Variants in COL4A3 observed in about 807,000 individuals in gnomAD.
COL4A3 encodes the protein collagen type IV alpha 3 chain.
A neutral mutation model predicts 217.4 loss-of-function variants in COL4A3; 135 were observed. The ratio of observed to expected loss-of-function variants is 0.62; its 90% CI spans 0.54 to 0.72. COL4A3 has a LOEUF of 0.72. COL4A3 is among the 30% of genes least tolerant of loss of function. The pLI is 0.00. For missense variants in COL4A3, 1,868 were observed against 2,119.9 expected (o/e 0.88, Z 2.33); for synonymous variants, 690 against 736.3 (o/e 0.94, Z 1.02).
intron 1 of COL4A3, among the ~76,000 whole-genome samples, chr2:227,181,133 A>G (rs2065855746): frequency 6.6e-6 from 1 of 152,222 alleles, no homozygotes; most frequent in Non-Finnish European, 1.5e-5. Context: ...TTAATAGAGA[A>G]AAAATACCTG....
chr2:227,244,197 C>A (rs2069184690), intron 3 of COL4A3, 123 bp from the exon 4 acceptor site: 1 of 770,012 alleles, frequency 1.3e-6, no homozygotes, highest in African/African-American at 1.7e-5. Flanking sequence ...ATCTTATTAA[C>A]AATGAAATAA....
intron 27 of COL4A3, among the ~76,000 whole-genome samples, chr2:227,276,702 C>T (rs1027405478): frequency 5.9e-5 from 9 of 152,184 alleles, no homozygotes; most frequent in African/African-American, 1.7e-4. Flanking sequence ...TAAAGGTTCC[C>T]GAGGAGAACC....
chr2:227,212,546 T>G lies in COL4A3; in HGVS notation c.88-25422T>G, dbSNP rs1033502009. ...CCCCAGGAATCTGTAGTGCCAGGTC[T>G]GCCATATATGAGGTTTCTACATATG... On this transcript the variant is annotated intron_variant, in intron 1 of 51. Transcript: ENST00000396578. 2.0e-5 allele frequency among the ~76,000 whole-genome samples: 3 copies of G among 152,240 alleles called. No individual in the cohort carries two copies. The South Asian group carries it at 6.2e-4, about 31-fold the overall frequency.
At chr2:227,167,050 C>A (rs539410964) in intron 1 of COL4A3, among the ~76,000 whole-genome samples, 43 of 152,280 alleles carry the variant, frequency 2.8e-4, no homozygotes, top group African/African-American at 9.1e-4. Flanking sequence ...AGTTGGGAAT[C>A]CAGTTTTTAT....
rs1421628507 is a variant in COL4A3 at position 227,193,756 on chromosome 2, GGAAGGAAGGAAGGAAGGAA to G, written c.87+28945_87+28963del. ...AGGAGGGAGGGAGGGAGGGAAGGAA[GGAAGGAAGGAAGGAAGGAA>G]GGAAGGAAGGAAGGAAGGAAGGAAG... On this transcript the variant is annotated intron_variant, in intron 1 of 51. Coordinates refer to ENST00000396578, the MANE Select transcript of COL4A3 (RefSeq NM_000091.5). Among the ~76,000 whole-genome samples, 6 of 10,206 alleles carry G rather than the reference GGAAGGAAGGAAGGAAGGAA, an allele frequency of 5.9e-4. 1 individual carries two copies. Among genetic ancestry groups the G allele is most frequent in the Non-Finnish European group, 2.6e-4 (1 of 3,892 alleles). 6.7% of individuals were successfully genotyped at this position (10,206 alleles called of 152,430 possible).
At position 227,246,668 on chromosome 2, in the gene COL4A3, C is replaced by T. The variant is rs2069358993; in HGVS notation, c.388-17C>T. On this transcript the variant is annotated splice_polypyrimidine_tract_variant and intron_variant, in intron 6 of 51. Coordinates refer to ENST00000396578, the MANE Select transcript of COL4A3 (RefSeq NM_000091.5). ...TAGAACAACTAAGAATAATAAGAAA[C>T]TTTGTATGTCTTTTAGGGTGAGCAG... is the stretch of plus-strand genomic sequence containing the variant. The T allele has an allele frequency of 6.2e-7, 1 of 1,601,528 alleles. No individual in the cohort carries two copies. Among genetic ancestry groups the T allele is most frequent in the Non-Finnish European group, 8.6e-7 (1 of 1,168,916 alleles).
intron 7 of COL4A3, 162 bp downstream of exon 7, chr2:227,246,900 T>G: frequency 1.3e-6 from 1 of 744,802 alleles, no homozygotes; most frequent in Non-Finnish European, 2.5e-6. Flanking sequence ...ATACATGCAT[T>G]ATGAGTGTAG....
intron 36 of COL4A3, among the ~76,000 whole-genome samples, chr2:227,290,317 G>A (rs189256437): frequency 1.1e-4 from 17 of 152,236 alleles, no homozygotes; most frequent in African/African-American, 3.6e-4. Flanking sequence ...GGCCAACATG[G>A]CGAAACCCCA....
At position 227,303,767 on chromosome 2, in the gene COL4A3, T is replaced by C. The variant is rs536598860; in HGVS notation, c.3956-92T>C. 1.2e-5 allele frequency: 14 copies of C among 1,212,064 alleles called. 1 individual carries two copies. In the African/African-American group the frequency reaches 1.2e-4, roughly 10 times the overall value. 75.1% of individuals were successfully genotyped at this position (1,212,064 alleles called of 1,614,324 possible). ...AGGACAGAGCCTCCAGGCACACTTC[T>C]AGTATTTGTCCTTAGAGTCAATCAT... On this transcript the variant is annotated intron_variant, in intron 44 of 51. Transcript: ENST00000396578.
intron 1 of COL4A3, among the ~76,000 whole-genome samples, chr2:227,200,811 A>G (rs1042485899): frequency 6.6e-6 from 1 of 152,232 alleles, no homozygotes; most frequent in African/African-American, 2.4e-5. Flanking sequence ...TTACATGTTC[A>G]ATTGCATGTA....
At chr2:227,272,244 T>C (rs367602246) in intron 25 of COL4A3, among the ~76,000 whole-genome samples, 5 of 152,320 alleles carry the variant, frequency 3.3e-5, no homozygotes, top group African/African-American at 1.2e-4. Flanking sequence ...TTTTTCTTTA[T>C]AAGTTCTGGT....
At chr2:227,286,765 T>G (rs959841523) in intron 34 of COL4A3, among the ~76,000 whole-genome samples, 3 of 152,212 alleles carry the variant, frequency 2.0e-5, no homozygotes, top group African/African-American at 7.2e-5. Flanking sequence ...ACAAATAAAA[T>G]TCTTGGCTTA....
chr2:227,169,761 G>T (rs1254723270), intron 1 of COL4A3, among the ~76,000 whole-genome samples: 1 of 151,892 alleles, frequency 6.6e-6, no homozygotes, highest in Non-Finnish European at 1.5e-5. Flanking sequence ...TTATAAATTT[G>T]TTTGAGTTCA....
chr2:227,264,197 T>C (rs779087949), intron 21 of COL4A3, among the ~76,000 whole-genome samples: 3 of 152,194 alleles, frequency 2.0e-5, no homozygotes, highest in Non-Finnish European at 4.4e-5. Flanking sequence ...GAGAGTGATG[T>C]GGGGAAGGAT....
chr2:227,194,525 C>A (rs181766787), intron 1 of COL4A3, among the ~76,000 whole-genome samples: 23 of 152,314 alleles, frequency 1.5e-4, no homozygotes. Flanking sequence ...CTTGTGGGAG[C>A]CCCTTTCTGT....
chr2:227,295,857 C>A (rs2073006009), intron 41 of COL4A3, among the ~76,000 whole-genome samples: 1 of 152,190 alleles, frequency 6.6e-6, no homozygotes, highest in South Asian at 2.1e-4. Context: ...TTTTGTTTGG[C>A]AGGCCACAGA....
chr2:227,257,900 G>T (rs2070291677), intron 18 of COL4A3, among the ~76,000 whole-genome samples: 1 of 152,222 alleles, frequency 6.6e-6, no homozygotes, highest in South Asian at 2.1e-4. Context: ...TGTCTAAGCA[G>T]CCCAGGCCCA....
rs1402044849 is a variant in COL4A3, at chr2:227,267,046, C to A, written c.1462C>A (p.Leu488Ile). Reference protein sequence around the residue: ...QCPYIPGPPGLPGLPGLHGVK... With the variant: ...QCPYIPGPPGIPGLPGLHGVK... ...CCCTTATATCCCAGGGCCTCCCGGT[C>A]TCCCAGGATTGCCAGGGTTACATGG... Residue 488 changes from leucine to isoleucine, a missense_variant, in exon 23 of 52, where the codon CTC (leucine) becomes ATC (isoleucine). Physicochemically the swap from Leu to Ile is conservative, Grantham distance 5 (BLOSUM62 2). Transcript: ENST00000396578. 6.2e-7 allele frequency: 1 copy of A among 1,613,918 alleles called. No homozygotes were observed. The highest frequency in any genetic ancestry group is 2.2e-5 in the East Asian group (1 of 44,884).
rs950738124 is a variant in COL4A3 at position 227,280,384 on chromosome 2, A to G, written c.2224-56A>G. 9.4e-6 allele frequency: 15 copies of G among 1,594,396 alleles called. No individual in the cohort carries two copies. The Admixed American group carries it at 1.3e-4, about 14-fold the overall frequency. ...TTAGAGCCTCCATAACAGAGAGTCA[A>G]TATCAGTGAAGATTTGGAAGCACTA... is the stretch of plus-strand genomic sequence containing the variant. On this transcript the variant is annotated intron_variant, in intron 29 of 51. Coordinates refer to ENST00000396578, the MANE Select transcript of COL4A3 (RefSeq NM_000091.5).
Sources: gnomAD v4.1 joint callset for allele counts (sites outside exome capture counted in the v4.1 genomes callset) on GRCh38, gnomAD v4.1.1 for gene constraint, MANE v1.5 for transcripts, NCBI Gene and HGNC (gene_info 2026-07-23, HGNC 2026-07-21) for gene names.